ATP8A1: variants seen among roughly 807,000 people sequenced by gnomAD.
ATP8A1 encodes phospholipid-transporting ATPase IA.
ATP8A1 carries 90 observed loss-of-function variants against 177.7 expected under a neutral mutation model. That is an observed-to-expected ratio of 0.51 (90% CI 0.43 to 0.60). ATP8A1 has a LOEUF of 0.60. ATP8A1 is among the 20% of genes least tolerant of loss of function. ATP8A1 has a pLI of 0.00. For synonymous variants in ATP8A1, 493 were observed against 485.9 expected, an observed-to-expected ratio of 1.01 and a Z score of -0.19; for missense variants, 1,072 against 1,392.8, an observed-to-expected ratio of 0.77 and a Z score of 3.67.
chr4:42,554,996 T>TG (rs984389579), intron 16 of ATP8A1, among the ~76,000 whole-genome samples: 24 of 152,208 alleles, frequency 1.6e-4, no homozygotes, highest in African/African-American at 5.5e-4. Context: ...CTTTGGGACT[T>TG]GGACTGGCTT....
intron 21 of ATP8A1, among the ~76,000 whole-genome samples, chr4:42,523,060 C>T (rs1485910629): frequency 6.6e-6 from 1 of 152,148 alleles, no homozygotes; most frequent in East Asian, 1.9e-4. Context: ...GCATTTATTA[C>T]TATTCTTTGT....
intron 22 of ATP8A1, among the ~76,000 whole-genome samples, chr4:42,517,534 G>C (rs1189146795): frequency 6.6e-6 from 1 of 152,146 alleles, no homozygotes; most frequent in Non-Finnish European, 1.5e-5. Flanking sequence ...GCAATTCTTC[G>C]CAAAGTGAGT....
At chr4:42,466,295 T>A (rs1264702616) in intron 25 of ATP8A1, among the ~76,000 whole-genome samples, 1 of 152,230 alleles carries the variant, frequency 6.6e-6, no homozygotes, top group Non-Finnish European at 1.5e-5. Context: ...TGACTAATAA[T>A]AAATATCTGC....
chr4:42,576,069 C>G (rs1374820145), intron 12 of ATP8A1, among the ~76,000 whole-genome samples: 1 of 152,130 alleles, frequency 6.6e-6, no homozygotes, highest in Non-Finnish European at 1.5e-5. Flanking sequence ...GTAATGTGAG[C>G]TAGAACTCAG....
At chr4:42,433,134 C>A (rs1321267386) in intron 33 of ATP8A1, among the ~76,000 whole-genome samples, 1 of 152,160 alleles carries the variant, frequency 6.6e-6, no homozygotes, top group Non-Finnish European at 1.5e-5. Context: ...TAGCTCCAAT[C>A]ATTTTCTGCC....
rs1348596084 is a variant in ATP8A1 at position 42,656,969 on chromosome 4, A to C, written c.-96T>G. ...CCCGGCTGCGCCGCGCAGAGCGCTC[A>C]GCTGCAGCCTGGGCCGCGCCGCCGC... On this transcript the variant is annotated 5_prime_UTR_variant, in exon 1 of 37. Coordinates refer to ENST00000381668, the MANE Select transcript of ATP8A1 (RefSeq NM_006095.2). The C allele has an allele frequency of 2.4e-6, 3 of 1,259,744 alleles. No individual in the cohort carries two copies. Among genetic ancestry groups the C allele is most frequent in the Non-Finnish European group, 3.1e-6 (3 of 978,364 alleles). The allele number at this position is 1,259,744 out of a possible 1,614,324, so 78.0% of individuals were successfully genotyped here.
chr4:42,609,282 T>C (rs1213331626), intron 5 of ATP8A1, among the ~76,000 whole-genome samples: 1 of 152,168 alleles, frequency 6.6e-6, no homozygotes, highest in Non-Finnish European at 1.5e-5. Flanking sequence ...CAGCAATCTG[T>C]GTTTTAACAA....
intron 29 of ATP8A1, among the ~76,000 whole-genome samples, chr4:42,452,614 A>C (rs1424434129): frequency 6.6e-6 from 1 of 152,196 alleles, no homozygotes; most frequent in East Asian, 1.9e-4. Context: ...GACTTTACTA[A>C]AGGCTTTCAC....
At chr4:42,626,802 C>T in intron 2 of ATP8A1, 193 bp downstream of exon 2, 1 of 597,448 alleles carries the variant, frequency 1.7e-6, no homozygotes, top group Non-Finnish European at 3.0e-6. Context: ...TCTTTCTGCT[C>T]CTCGCTATTT....
intron 27 of ATP8A1, 109 bp downstream of exon 27, chr4:42,464,581 A>C: frequency 1.5e-6 from 1 of 653,778 alleles, no homozygotes; most frequent in Non-Finnish European, 2.6e-6. Context: ...ATTTATAAAG[A>C]GTTGGCAAAT....
intron 1 of ATP8A1, among the ~76,000 whole-genome samples, chr4:42,635,750 T>TAC (rs1739210540): frequency 9.5e-6 from 1 of 105,782 alleles, no homozygotes; most frequent in South Asian, 3.4e-4. Context: ...TATATACATA[T>TAC]ATATACACAC....
intron 32 of ATP8A1, 116 bp from the exon 33 acceptor site, chr4:42,443,788 T>C (rs1716904991): frequency 5.0e-6 from 3 of 595,524 alleles, no homozygotes; most frequent in Admixed American, 3.0e-5. Flanking sequence ...AAAAATATTA[T>C]CTATAGGAGT....
intron 15 of ATP8A1, among the ~76,000 whole-genome samples, chr4:42,564,244 TG>T (rs1436482695): frequency 2.6e-5 from 4 of 152,232 alleles, no homozygotes; most frequent in Admixed American, 2.6e-4. Context: ...AAGGAAAATG[TG>T]GGGTCAGAGC....
chr4:42,522,564 C>T (rs1232910306), intron 21 of ATP8A1, among the ~76,000 whole-genome samples: 1 of 152,204 alleles, frequency 6.6e-6, no homozygotes, highest in African/African-American at 2.4e-5. Context: ...AAATCTGAAT[C>T]TTATCAAGCA....
chr4:42,415,137 A>G (rs1713086150), intron 35 of ATP8A1: 1 of 153,814 alleles, frequency 6.5e-6, no homozygotes, highest in Non-Finnish European at 1.4e-5. Context: ...AGTTATTACT[A>G]TTTTTTTCAC....
intron 1 of ATP8A1, among the ~76,000 whole-genome samples, chr4:42,633,268 A>T (rs2109514853): frequency 6.6e-6 from 1 of 152,338 alleles, no homozygotes; most frequent in Non-Finnish European, 1.5e-5. Flanking sequence ...TCATCATCAC[A>T]TGCTTATATG....
At chr4:42,626,908 C>G in intron 2 of ATP8A1, 87 bp downstream of exon 2, 1 of 973,422 alleles carries the variant, frequency 1.0e-6, no homozygotes. Flanking sequence ...ACTGACTGCA[C>G]TGAAAGCTCT....
At chr4:42,547,242 C>A (rs546517794) in intron 19 of ATP8A1, among the ~76,000 whole-genome samples, 1 of 152,300 alleles carries the variant, frequency 6.6e-6, no homozygotes, top group South Asian at 2.1e-4. Context: ...ATGCCAGAGA[C>A]CCTCACCCCT....
At chr4:42,436,084 C>T (rs1481887050) in intron 33 of ATP8A1, among the ~76,000 whole-genome samples, 3 of 152,204 alleles carry the variant, frequency 2.0e-5, no homozygotes, top group South Asian at 2.1e-4. Context: ...TGAATGAATG[C>T]GACAATGAAT....
Sources: gnomAD v4.1 joint callset for allele counts (sites outside exome capture counted in the v4.1 genomes callset) on GRCh38, gnomAD v4.1.1 for gene constraint, MANE v1.5 for transcripts, NCBI Gene and HGNC (gene_info 2026-07-23, HGNC 2026-07-21) for gene names.